The following CELF2 variants were observed in gnomAD, a reference collection of about 807,000 sequenced individuals.
CELF2 encodes CUGBP Elav-like family member 2.
A neutral mutation model predicts 62.6 loss-of-function variants in CELF2; 8 were observed. That is an observed-to-expected ratio of 0.13 (90% CI 0.07 to 0.23). The LOEUF is 0.23. Among genes scored for constraint, CELF2 ranks in the 10% least tolerant of loss-of-function variants. The pLI is 1.00. For missense variants in CELF2, 333 were observed against 671.0 expected, an observed-to-expected ratio of 0.50 and a Z score of 5.56; for synonymous variants, 258 against 250.0, an observed-to-expected ratio of 1.03 and a Z score of -0.30.
chr10:10,608,933 C>A, the CELF2 span, among the ~76,000 whole-genome samples: 1 of 152,222 alleles, frequency 6.6e-6, no homozygotes, highest in South Asian at 2.1e-4. Context: ...AAAGTATAAA[C>A]GCTCCAGAAA....
At chr10:11,139,339 A>G (rs374932002) in intron 1 of CELF2, among the ~76,000 whole-genome samples, 3 of 152,248 alleles carry the variant, frequency 2.0e-5, no homozygotes, top group African/African-American at 7.2e-5. Context: ...TGAAATTTCA[A>G]GAAACATTGT....
At chr10:10,504,495 T>C in the CELF2 span, among the ~76,000 whole-genome samples, 17 of 152,276 alleles carry the variant, frequency 1.1e-4, no homozygotes, top group South Asian at 3.5e-3. Context: ...AAGATGTTTA[T>C]CTTTCATTTT....
chr10:10,976,576 C>T (rs2051365406), intron 2 of CELF2, among the ~76,000 whole-genome samples: 2 of 151,934 alleles, frequency 1.3e-5, no homozygotes, highest in South Asian at 4.2e-4. Context: ...TTTTTCTTGT[C>T]TTCCCCTTTC....
At chr10:10,888,247 A>G (rs7099477) in intron 1 of CELF2, among the ~76,000 whole-genome samples, 129,385 of 152,208 alleles carry the variant, frequency 0.85, 55,462 homozygotes, top group African/African-American at 0.95. Flanking sequence ...CAGAAAGAAC[A>G]TAGACATTCC....
At chr10:10,662,611 T>C in the CELF2 span, among the ~76,000 whole-genome samples, 1 of 152,174 alleles carries the variant, frequency 6.6e-6, no homozygotes, top group Non-Finnish European at 1.5e-5. Context: ...TCTCATTTTG[T>C]AGTAAAAGTG....
In CELF2 at chr10:11,058,676, C is replaced by T. The variant is rs1013712698; in HGVS notation, c.74+40513C>T. On this transcript the variant is annotated intron_variant, in intron 1 of 12. Transcript: ENST00000633077. ...AAAGAAGGGGTTTCACCGTGTTGGC[C>T]AGACTGGTCTCAAACTGCTGACCTC... Among the ~76,000 whole-genome samples the T allele has an allele frequency of 1.3e-5, 2 of 152,006 alleles. 1 individual carries two copies. The highest frequency in any genetic ancestry group is 4.8e-5 in the African/African-American group (2 of 41,408).
the CELF2 span, among the ~76,000 whole-genome samples, chr10:10,486,289 C>T: frequency 6.6e-6 from 1 of 152,108 alleles, no homozygotes; most frequent in Admixed American, 6.5e-5. Context: ...TTAATTAAAC[C>T]CACACAGGAA....
At chr10:10,513,340 A>G in the CELF2 span, among the ~76,000 whole-genome samples, 1 of 152,168 alleles carries the variant, frequency 6.6e-6, no homozygotes, top group African/African-American at 2.4e-5. Flanking sequence ...TGATTTACTG[A>G]AAGAGCAGTA....
chr10:10,937,436 A>G (rs1049465924), intron 2 of CELF2: 1 of 151,862 alleles, frequency 6.6e-6, no homozygotes, highest in Non-Finnish European at 1.5e-5. Flanking sequence ...GGCCAATTCT[A>G]CCTTATTTCT....
At chr10:11,086,604 A>AAAAAC (rs1462825870) in intron 1 of CELF2, among the ~76,000 whole-genome samples, 2 of 115,956 alleles carry the variant, frequency 1.7e-5, no homozygotes, top group East Asian at 2.0e-4. Context: ...AAAAAAAAAA[A>AAAAAC]AAAAAACTCC....
the CELF2 span, among the ~76,000 whole-genome samples, chr10:10,506,149 A>C: frequency 6.6e-6 from 1 of 151,840 alleles, no homozygotes; most frequent in Non-Finnish European, 1.5e-5. Context: ...TGAAGAAAAA[A>C]AATTTCCTCA....
At chr10:11,004,422 C>CGCGCGT (rs112867733), upstream of CELF2, among the ~76,000 whole-genome samples, 13 of 148,492 alleles carry the variant, frequency 8.8e-5, no homozygotes, top group African/African-American at 3.2e-4. The surrounding 1 kb of genome is among the most constrained non-coding windows in gnomAD (Gnocchi z 5.0). Flanking sequence ...TGTGCGCGCG[C>CGCGCGT]GTGTGTGTGT....
At chr10:11,181,465 T>A (rs978784480) in intron 2 of CELF2, among the ~76,000 whole-genome samples, 3 of 152,254 alleles carry the variant, frequency 2.0e-5, no homozygotes, top group Non-Finnish European at 4.4e-5. Context: ...TTGGATTTCG[T>A]GCTCCCATGC....
At chr10:10,888,956 C>A (rs1470564904) in intron 1 of CELF2, among the ~76,000 whole-genome samples, 1 of 152,200 alleles carries the variant, frequency 6.6e-6, no homozygotes, top group African/African-American at 2.4e-5. Flanking sequence ...CCTACCCAAG[C>A]AAATCATAGA....
At chr10:10,761,234 C>T in the CELF2 span, among the ~76,000 whole-genome samples, 1 of 152,162 alleles carries the variant, frequency 6.6e-6, no homozygotes, top group East Asian at 1.9e-4. Flanking sequence ...GTATAAAAGA[C>T]ATCTCTCAGG....
At chr10:11,158,044 G>C (rs17149675) in intron 1 of CELF2, among the ~76,000 whole-genome samples, 1 of 152,164 alleles carries the variant, frequency 6.6e-6, no homozygotes. Flanking sequence ...CTTGGGAAGC[G>C]CAGGCCCCTG....
At chr10:10,926,612 C>T (rs998592790) in intron 2 of CELF2, among the ~76,000 whole-genome samples, 3 of 152,228 alleles carry the variant, frequency 2.0e-5, no homozygotes, top group East Asian at 3.8e-4. Flanking sequence ...CAACTCCAGC[C>T]GTCACGTGGG....
At chr10:11,225,891 T>C (rs2066362193) in intron 3 of CELF2, among the ~76,000 whole-genome samples, 1 of 152,240 alleles carries the variant, frequency 6.6e-6, no homozygotes, top group Admixed American at 6.5e-5. Flanking sequence ...GATGTATCGA[T>C]AGCATTCACC....
At chr10:11,209,682 G>T (rs1482334592) in intron 2 of CELF2, among the ~76,000 whole-genome samples, 1 of 151,372 alleles carries the variant, frequency 6.6e-6, no homozygotes, top group African/African-American at 2.4e-5. Context: ...AAAGTAGGGG[G>T]TCCTGGCAGG....
Sources: allele counts gnomAD v4.1 joint callset (sites outside exome capture counted in the v4.1 genomes callset), GRCh38; gene constraint gnomAD v4.1.1; non-coding constraint Gnocchi (gnomAD v3.1); transcripts MANE v1.5; gene names NCBI Gene and HGNC (gene_info 2026-07-23, HGNC 2026-07-21).